CAMKMT: variants seen among roughly 807,000 people sequenced by gnomAD.
CAMKMT encodes the protein CaM KMT.
CAMKMT carries 53 observed loss-of-function variants against 48.0 expected under a neutral mutation model. The ratio of observed to expected loss-of-function variants is 1.10; its 90% CI spans 0.89 to 1.39. The LOEUF (loss-of-function observed/expected upper bound fraction) is 1.39. Ranked by LOEUF, CAMKMT falls within the 40% of genes most tolerant of loss-of-function variation. The pLI is 0.00. For synonymous variants in CAMKMT, 165 were observed against 152.3 expected (o/e 1.08, Z -0.61); for missense variants, 428 against 402.7 (o/e 1.06, Z -0.54).
intron 7 of CAMKMT, 141 bp downstream of exon 7, chr2:44,715,494 T>C: frequency 1.6e-6 from 1 of 627,066 alleles, no homozygotes; most frequent in Non-Finnish European, 2.8e-6. Flanking sequence ...TTTACAAGTA[T>C]TATCTCATTT....
At chr2:44,457,868 T>A (rs902735960) in intron 3 of CAMKMT, among the ~76,000 whole-genome samples, 2 of 152,112 alleles carry the variant, frequency 1.3e-5, no homozygotes, top group East Asian at 3.9e-4. Context: ...AGTTCCTCCA[T>A]GGCTGCTTGG....
At chr2:44,672,814 A>G (rs1675409769) in intron 3 of CAMKMT, among the ~76,000 whole-genome samples, 1 of 151,844 alleles carries the variant, frequency 6.6e-6, no homozygotes, top group Non-Finnish European at 1.5e-5. Context: ...TAATCATCCA[A>G]AAAAAAAGCC....
intron 4 of CAMKMT, among the ~76,000 whole-genome samples, chr2:44,704,688 A>G (rs1677450496): frequency 1.3e-5 from 2 of 151,722 alleles, no homozygotes; most frequent in Admixed American, 6.6e-5. Flanking sequence ...GGTCAAAAAA[A>G]AAAAAAAAAA....
In CAMKMT at chr2:44,441,102, T is replaced by G. The variant is rs1241104248; in HGVS notation, c.376+50797T>G. Among the ~76,000 whole-genome samples, 5 of 152,290 alleles carry G rather than the reference T, an allele frequency of 3.3e-5. No homozygotes were observed. The East Asian group carries it at 9.6e-4, about 29-fold the overall frequency. ...ATATATTCCTTTGGTTCCTCTTCCT[T>G]AACAATTTTTTTCTCACTTATTTGG... On this transcript the variant is annotated intron_variant, in intron 3 of 10. Transcript: ENST00000378494.
intron 3 of CAMKMT, among the ~76,000 whole-genome samples, chr2:44,667,583 G>C (rs930887981): frequency 6.6e-6 from 1 of 152,086 alleles, no homozygotes; most frequent in African/African-American, 2.4e-5. Context: ...CATCCACATA[G>C]ATAGATCATC....
intron 1 of CAMKMT, among the ~76,000 whole-genome samples, chr2:44,366,550 T>C (rs1352747941): frequency 6.6e-6 from 1 of 152,220 alleles, no homozygotes; most frequent in Non-Finnish European, 1.5e-5. Flanking sequence ...CTTCCATAAG[T>C]TGTTGGAATT....
intron 3 of CAMKMT, chr2:44,400,733 T>A (rs954567132): frequency 1.3e-5 from 2 of 151,692 alleles, no homozygotes; most frequent in African/African-American, 4.8e-5. Flanking sequence ...TTTTATTGAA[T>A]AAAAAATAAG....
At chr2:44,707,497 G>C (rs1391786560) in intron 6 of CAMKMT, 35 bp downstream of exon 6, 1 of 1,571,004 alleles carries the variant, frequency 6.4e-7, no homozygotes, top group Admixed American at 1.7e-5. Context: ...GGTTTGTTGT[G>C]CTCATTCCTT....
intron 8 of CAMKMT, 149 bp from the exon 9 acceptor site, chr2:44,753,906 C>A (rs529981460): frequency 1.6e-6 from 1 of 641,176 alleles, no homozygotes; most frequent in East Asian, 2.7e-5. Flanking sequence ...CCTCCCACCC[C>A]CTCCAGTGAG....
At chr2:44,766,754 A>G (rs1427833147) in intron 10 of CAMKMT, among the ~76,000 whole-genome samples, 193 bp downstream of exon 10, 1 of 144,896 alleles carries the variant, frequency 6.9e-6, no homozygotes, top group African/African-American at 2.6e-5. Context: ...GAAGGATTTT[A>G]CAGAAACCAT....
chr2:44,372,749 C>A lies in CAMKMT; in HGVS notation c.172C>A (p.Arg58=), dbSNP rs777039644. The change falls in exon 2 of 11, where the codon CGA becomes AGA. Residue 58 remains arginine, a synonymous_variant. Transcript: ENST00000378494. ...LKQKHLDDCL[R]HVSVRRFESF... Reference sequence around the variant, plus strand: ...GCAAAAACACCTGGATGATTGCCTGCGACATGTATCTGTAAGAAGATTTGA... The same window carrying A: ...GCAAAAACACCTGGATGATTGCCTGAGACATGTATCTGTAAGAAGATTTGA... 6.2e-7 allele frequency: 1 copy of A among 1,613,084 alleles called. No individual in the cohort carries two copies. The highest frequency in any genetic ancestry group is 1.7e-5 in the Admixed American group (1 of 59,716).
chr2:44,514,156 G>T lies in CAMKMT; in HGVS notation c.376+123851G>T, dbSNP rs533429726. ...TGCTTAGAGAAATCAGAGGGTGAAT[G>T]GTTATATAGAAGCCAGCAGGAAAAG... On this transcript the variant is annotated intron_variant, in intron 3 of 10. Coordinates refer to ENST00000378494, the MANE Select transcript of CAMKMT (RefSeq NM_024766.5). 3.3e-5 allele frequency among the ~76,000 whole-genome samples: 5 copies of T among 151,954 alleles called. No homozygotes were observed. The South Asian group carries it at 1.0e-3, about 32-fold the overall frequency.
chr2:44,373,365 G>A (rs776401437), intron 2 of CAMKMT, among the ~76,000 whole-genome samples: 19 of 152,138 alleles, frequency 1.2e-4, no homozygotes, highest in Non-Finnish European at 4.4e-5. Flanking sequence ...CACTGATATT[G>A]TAAGAAGCAT....
chr2:44,713,506 A>C (rs527887133), intron 6 of CAMKMT, among the ~76,000 whole-genome samples: 1 of 152,288 alleles, frequency 6.6e-6, no homozygotes, highest in Non-Finnish European at 1.5e-5. Flanking sequence ...TCCTGAAATA[A>C]TTTCTTCCTG....
At chr2:44,603,568 G>A (rs1416816188) in intron 3 of CAMKMT, among the ~76,000 whole-genome samples, 1 of 152,170 alleles carries the variant, frequency 6.6e-6, no homozygotes, top group Non-Finnish European at 1.5e-5. Flanking sequence ...AAGGTCAGCT[G>A]AGTGATTTTT....
At chr2:44,564,111 A>C (rs1043102712) in intron 3 of CAMKMT, among the ~76,000 whole-genome samples, 7 of 151,672 alleles carry the variant, frequency 4.6e-5, no homozygotes, top group African/African-American at 9.7e-5. Flanking sequence ...AAGTGTTCCT[A>C]TTTAGAGTCA....
At chr2:44,685,471 G>C (rs1676285672) in intron 3 of CAMKMT, among the ~76,000 whole-genome samples, 1 of 152,152 alleles carries the variant, frequency 6.6e-6, no homozygotes, top group Non-Finnish European at 1.5e-5. Context: ...GTTATAGCTA[G>C]AGAGAATCTC....
At chr2:44,549,623 T>C in intron 3 of CAMKMT, 1 of 654,412 alleles carries the variant, frequency 1.5e-6, no homozygotes, top group Non-Finnish European at 2.7e-6. Context: ...AGCCTCAAAC[T>C]CCTGAACTGC....
rs533346444 is a variant in CAMKMT at position 44,468,644 on chromosome 2, TGTG to T, written c.376+78344_376+78346del. Among the ~76,000 whole-genome samples, 1,050 of 152,146 alleles carry T rather than the reference TGTG, an allele frequency of 6.9e-3. 11 individuals carry two copies. The highest frequency in any genetic ancestry group is 0.019 in the African/African-American group (796 of 41,504). Reference sequence around the variant, plus strand: ...TAGATAAAGAAAATATAAGGCCAGGTGTGGTGGCTTATGCCTGTAATCCCAGCA... The same window carrying T: ...TAGATAAAGAAAATATAAGGCCAGGTGTGGCTTATGCCTGTAATCCCAGCA... On this transcript the variant is annotated intron_variant, in intron 3 of 10. Transcript: ENST00000378494.
Sources: allele counts gnomAD v4.1 joint callset (sites outside exome capture counted in the v4.1 genomes callset), GRCh38; gene constraint gnomAD v4.1.1; transcripts MANE v1.5; gene names NCBI Gene and HGNC (gene_info 2026-07-23, HGNC 2026-07-21).